Variants in ITSN1 observed in about 807,000 individuals in gnomAD.
The protein encoded by ITSN1 is intersectin 1.
In ITSN1, 58 loss-of-function variants were observed where a neutral mutation model predicts 239.8. The ratio of observed to expected loss-of-function variants is 0.24; its 90% CI spans 0.20 to 0.30. The LOEUF (loss-of-function observed/expected upper bound fraction) is 0.30, where lower values mean the gene tolerates loss of function less well. Among genes scored for constraint, ITSN1 ranks in the 10% least tolerant of loss-of-function variants. ITSN1 has a pLI of 1.00. For missense variants in ITSN1, 1,558 were observed against 2,103.3 expected (o/e 0.74, Z 5.07); for synonymous variants, 780 against 770.8 (o/e 1.01, Z -0.20).
At chr21:33,835,449 A>G (rs777685294) in intron 28 of ITSN1, among the ~76,000 whole-genome samples, 2 of 152,176 alleles carry the variant, frequency 1.3e-5, no homozygotes, top group Non-Finnish European at 2.9e-5. Context: ...TGGTTAAGAA[A>G]GATTCATAGG....
At chr21:33,823,708 G>T in intron 25 of ITSN1, 55 bp downstream of exon 25, 1 of 1,532,002 alleles carries the variant, frequency 6.5e-7, no homozygotes, top group South Asian at 1.2e-5. Context: ...TCTCTTTGTG[G>T]GGAGTCACGA....
intron 6 of ITSN1, among the ~76,000 whole-genome samples, chr21:33,750,886 G>A (rs556275938): frequency 5.1e-4 from 78 of 152,268 alleles, no homozygotes; most frequent in African/African-American, 1.9e-3. Context: ...GTATAAAACT[G>A]TAGATGTAGA....
At chr21:33,658,537 A>G (rs2089281820) in intron 1 of ITSN1, among the ~76,000 whole-genome samples, 1 of 152,222 alleles carries the variant, frequency 6.6e-6, no homozygotes, top group Non-Finnish European at 1.5e-5. Context: ...AAACATAGAA[A>G]AGGCACGGTA....
chr21:33,813,074 C>G (rs2073021046), intron 21 of ITSN1, among the ~76,000 whole-genome samples: 1 of 152,050 alleles, frequency 6.6e-6, no homozygotes, highest in African/African-American at 2.4e-5. Context: ...AGAGTATTTC[C>G]CTAGCCTGTA....
intron 1 of ITSN1, among the ~76,000 whole-genome samples, chr21:33,706,304 C>T (rs1270099037): frequency 1.3e-5 from 2 of 152,146 alleles, no homozygotes; most frequent in East Asian, 3.9e-4. Context: ...CAGGCATGAG[C>T]CACCAAGTTT....
chr21:33,807,446 T>G (rs1382797912), intron 20 of ITSN1, among the ~76,000 whole-genome samples: 1 of 152,228 alleles, frequency 6.6e-6, no homozygotes, highest in Non-Finnish European at 1.5e-5. Context: ...CAAGCAGTTG[T>G]CCTGCCTCAG....
At chr21:33,849,195 G>A (rs935607200) in intron 29 of ITSN1, among the ~76,000 whole-genome samples, 11 of 151,706 alleles carry the variant, frequency 7.3e-5, no homozygotes, top group East Asian at 2.0e-4. Flanking sequence ...CTGAGATTGC[G>A]CCACTGCACT....
At chr21:33,648,550 C>T (rs1473943051) in intron 1 of ITSN1, among the ~76,000 whole-genome samples, 6 of 152,140 alleles carry the variant, frequency 3.9e-5, no homozygotes, top group Admixed American at 2.6e-4. Context: ...TAAGTTAGCT[C>T]AGAAATTAGC....
intron 1 of ITSN1, among the ~76,000 whole-genome samples, chr21:33,667,264 G>GTT (rs34984373): frequency 2.1e-5 from 3 of 142,138 alleles, no homozygotes; most frequent in African/African-American, 7.7e-5. Context: ...GGATTTTTTT[G>GTT]TTTTTTTTTT....
Position 33,670,075 on chromosome 21 carries a change from T to C in ITSN1, c.-33+27362T>C, listed in dbSNP as rs183393481. Among the ~76,000 whole-genome samples, 244 of 152,294 alleles carry C rather than the reference T, an allele frequency of 1.6e-3. 1 individual carries two copies. Among genetic ancestry groups the C allele is most frequent in the Admixed American group, 0.016 (242 of 15,284 alleles). ...AGTTGTCAAACTTTTTGATTAAAAC[T>C]GAGAGGCCAGGTGCCGTGGCTCATG... is the stretch of plus-strand genomic sequence containing the variant. On this transcript the variant is annotated intron_variant, in intron 1 of 39. Transcript: ENST00000381318.
At chr21:33,720,531 G>C (rs1321972162) in intron 2 of ITSN1, among the ~76,000 whole-genome samples, 1 of 151,886 alleles carries the variant, frequency 6.6e-6, no homozygotes, top group African/African-American at 2.4e-5. Context: ...ATTCTCTTTG[G>C]CTATTATTTC....
At chr21:33,678,857 G>A (rs1601592518) in intron 1 of ITSN1, among the ~76,000 whole-genome samples, 1 of 152,162 alleles carries the variant, frequency 6.6e-6, no homozygotes, top group South Asian at 2.1e-4. Context: ...GGGATTACAG[G>A]CATGCGCCAC....
rs770655368 is a variant in ITSN1 at position 33,735,307 on chromosome 21, A to C, written c.346+103A>C. 4.8e-6 allele frequency: 6 copies of C among 1,240,158 alleles called. No individual in the cohort carries two copies. The South Asian group carries it at 7.5e-5, about 15-fold the overall frequency. 76.8% of individuals were successfully genotyped at this position (1,240,158 alleles called of 1,614,324 possible). A position where few individuals can be genotyped will look rare whatever the true frequency, so the allele number is the denominator to read the frequency against. ...GTTTATAACATTATGAAATTCTAGG[A>C]GGTAATTCTGTCTGAAAAATGATGG... On this transcript the variant is annotated intron_variant, in intron 5 of 39. Transcript: ENST00000381318.
intron 16 of ITSN1, among the ~76,000 whole-genome samples, chr21:33,787,195 A>G (rs1360793548): frequency 6.6e-6 from 1 of 152,192 alleles, no homozygotes; most frequent in Admixed American, 6.5e-5. Flanking sequence ...TCTTTTTAAC[A>G]AGCATTTTAG....
At chr21:33,763,229 CAAAAAAAAA>C (rs71322243) in intron 9 of ITSN1, among the ~76,000 whole-genome samples, 6 of 69,860 alleles carry the variant, frequency 8.6e-5, no homozygotes, top group South Asian at 7.2e-4. Flanking sequence ...GCCCCCCAAC[CAAAAAAAAA>C]AAAAAAAAAA....
At chr21:33,829,211 C>G (rs2074147875) in intron 26 of ITSN1, 1 of 358,168 alleles carries the variant, frequency 2.8e-6, no homozygotes, top group African/African-American at 2.1e-5. Flanking sequence ...TTAGTCACTT[C>G]AAAGTAGCAC....
chr21:33,850,700 A>G (rs531472116), intron 29 of ITSN1, among the ~76,000 whole-genome samples: 9 of 152,328 alleles, frequency 5.9e-5, no homozygotes, highest in African/African-American at 2.2e-4. Context: ...CATCAGCTGC[A>G]GGGTAAAGGG....
At chr21:33,694,809 A>G (rs983854865) in intron 1 of ITSN1, among the ~76,000 whole-genome samples, 1 of 152,072 alleles carries the variant, frequency 6.6e-6, no homozygotes, top group Non-Finnish European at 1.5e-5. Context: ...ACAGAGCAAG[A>G]GTGTCTCAAA....
intron 22 of ITSN1, chr21:33,817,393 T>C: frequency 7.7e-7 from 1 of 1,304,406 alleles, no homozygotes; most frequent in Middle Eastern, 2.1e-4. Flanking sequence ...TCAAAGTCCT[T>C]CTCATCCTTC....
Sources: allele counts gnomAD v4.1 joint callset (sites outside exome capture counted in the v4.1 genomes callset), GRCh38; gene constraint gnomAD v4.1.1; transcripts MANE v1.5; gene names NCBI Gene and HGNC (gene_info 2026-07-23, HGNC 2026-07-21).